IQGAP3: variants seen among roughly 807,000 people sequenced by gnomAD.
IQGAP3 encodes ras GTPase-activating-like protein IQGAP3.
A neutral mutation model predicts 208.2 loss-of-function variants in IQGAP3; 165 were observed. The observed-to-expected ratio is 0.79, with a 90% CI of 0.70 to 0.90. The LOEUF is 0.90. IQGAP3 is among the 40% of genes least tolerant of loss of function. The pLI is 0.00. For missense variants in IQGAP3, 1,811 were observed against 2,043.1 expected (o/e 0.89, Z 2.19); for synonymous variants, 703 against 803.6 (o/e 0.87, Z 2.12).
At chr1:156,530,947 G>T (rs111301245) in intron 33 of IQGAP3, among the ~76,000 whole-genome samples, 1 of 152,144 alleles carries the variant, frequency 6.6e-6, no homozygotes, top group East Asian at 1.9e-4. Flanking sequence ...TGGGGAGAGG[G>T]GTGGGGCCCC....
chr1:156,550,982 T>G (rs926054090), intron 15 of IQGAP3, among the ~76,000 whole-genome samples: 7 of 152,294 alleles, frequency 4.6e-5, no homozygotes, highest in African/African-American at 1.7e-4. Flanking sequence ...TAATAGACTT[T>G]GTAAACTAAC....
intron 29 of IQGAP3, 29 bp from the exon 30 acceptor site, chr1:156,534,170 C>T (rs768011260): frequency 1.1e-5 from 17 of 1,610,562 alleles, no homozygotes; most frequent in South Asian, 4.4e-5. Flanking sequence ...TGTGAGAGAG[C>T]GGGGAGGGCC....
At chr1:156,541,586 G>A (rs969679935) in intron 22 of IQGAP3, among the ~76,000 whole-genome samples, 9 of 152,130 alleles carry the variant, frequency 5.9e-5, no homozygotes, top group East Asian at 1.9e-4. Context: ...AGTACTTTAC[G>A]TACTTAAGAC....
chr1:156,531,658 G>A (rs59359496), intron 32 of IQGAP3, among the ~76,000 whole-genome samples: 1 of 146,720 alleles, frequency 6.8e-6, no homozygotes, highest in Middle Eastern at 3.3e-3. Context: ...AGGCTGGAGT[G>A]CAATGGCATG....
chr1:156,549,360 A>C (rs1675428851), intron 16 of IQGAP3, among the ~76,000 whole-genome samples: 1 of 149,742 alleles, frequency 6.7e-6, no homozygotes, highest in Non-Finnish European at 1.5e-5. Flanking sequence ...AATCCCAACT[A>C]CTCGGGAGGC....
In IQGAP3 at chr1:156,563,328, G is replaced by A; in HGVS notation, c.620-16C>T. ...GCTGCATGGACTGGGAGAGGGCATG[G>A]AAACAAGGTCAGGAGGCCAGAGTGA... On this transcript the variant is annotated splice_polypyrimidine_tract_variant and intron_variant, in intron 7 of 37. Transcript: ENST00000361170. The A allele has an allele frequency of 6.3e-7, 1 of 1,575,508 alleles. No individual in the cohort carries two copies. The highest frequency in any genetic ancestry group is 8.7e-7 in the Non-Finnish European group (1 of 1,155,576).
At position 156,535,205 on chromosome 1, in the gene IQGAP3, C is replaced by G. The variant is rs1167398384; in HGVS notation, c.3465G>C (p.Leu1155=). ...CTGTGGCGTCAGGGAATTTCTCTGC[C>G]AGAGTTGCCTTCAGGACTTTGGCCA... ...RYVAKVLKAT[L]AEKFPDATDS... is the part of the protein sequence containing the mutation. Residue 1155 remains leucine (L), a synonymous_variant, in exon 28 of 38, where the codon CTG becomes CTC. Transcript: ENST00000361170. The G allele has an allele frequency of 6.2e-7, 1 of 1,613,652 alleles. No individual in the cohort carries two copies. Among genetic ancestry groups the G allele is most frequent in the South Asian group, 1.1e-5 (1 of 91,046 alleles).
At chr1:156,569,551 T>TC (rs1676551224) in intron 1 of IQGAP3, 88 bp from the exon 2 acceptor site, 1 of 682,062 alleles carries the variant, frequency 1.5e-6, no homozygotes, top group East Asian at 3.1e-5. Flanking sequence ...TTTTTTTTTT[T>TC]TGAGACGCCC....
chr1:156,556,613 C>G lies in IQGAP3; in HGVS notation c.1210G>C (p.Glu404Gln). The G allele has an allele frequency of 6.2e-7, 1 of 1,612,902 alleles. No individual in the cohort carries two copies. Among genetic ancestry groups the G allele is most frequent in the Non-Finnish European group, 8.5e-7 (1 of 1,179,270 alleles). Residue 404 changes from glutamate to glutamine, a missense_variant, in exon 12 of 38, where the codon GAG becomes CAG. Physicochemically the swap from Glu to Gln is conservative, Grantham distance 29. Coordinates refer to ENST00000361170, the MANE Select transcript of IQGAP3 (RefSeq NM_178229.5). ...GGGTACACTGGAGGCAGCTGGGCCT[C>G]AGGGCACATCAGCTCCTTCACAGTG... Reference protein sequence around the residue: ...ADTVKELMCPEAQLPPVYPVA... With the variant: ...ADTVKELMCPQAQLPPVYPVA...
intron 37 of IQGAP3, among the ~76,000 whole-genome samples, chr1:156,527,551 T>C (rs972433370): frequency 2.6e-5 from 4 of 152,190 alleles, no homozygotes; most frequent in African/African-American, 9.6e-5. Context: ...GCTTCACTCC[T>C]TTCCTGAACA....
At chr1:156,560,898 C>G (rs745935912) in intron 11 of IQGAP3, 36 bp downstream of exon 11, 1 of 1,406,232 alleles carries the variant, frequency 7.1e-7, no homozygotes, top group Non-Finnish European at 1.0e-6. Flanking sequence ...GTCAGAGATA[C>G]GCACAGAGCA....
At chr1:156,562,775 C>G in intron 8 of IQGAP3, 110 bp from the exon 9 acceptor site, 1 of 971,244 alleles carries the variant, frequency 1.0e-6, no homozygotes, top group Non-Finnish European at 1.7e-6. Context: ...TTCCCAAGGC[C>G]AAAGTTCAGT....
At chr1:156,560,891 A>C in intron 11 of IQGAP3, 43 bp downstream of exon 11, 4 of 1,326,904 alleles carry the variant, frequency 3.0e-6, no homozygotes, top group Non-Finnish European at 4.3e-6. Flanking sequence ...TCTAAGAGTC[A>C]GAGATACGCA....
rs756439875 is a variant in IQGAP3 at position 156,563,231 on chromosome 1, C to A, written c.701G>T (p.Ser234Ile). The A allele has an allele frequency of 9.3e-6, 15 of 1,613,244 alleles. No homozygotes were observed. In the South Asian group the frequency reaches 1.5e-4, roughly 17 times the overall value. The change falls in exon 8 of 38, where the codon AGT (serine) becomes ATT (isoleucine). Residue 234 changes from serine to isoleucine, a missense_variant. Coordinates refer to ENST00000361170, the MANE Select transcript of IQGAP3 (RefSeq NM_178229.5). ...CTCTCGGAGATTCTCCAGAAGAGCA[C>A]TGGGATTCTGCAAGGCAGCCAGGGT... ...EDTLAALQNP[S>I]ALLENLREPL... is the part of the protein sequence containing the mutation.
chr1:156,560,710 T>A (rs973798903), intron 11 of IQGAP3, among the ~76,000 whole-genome samples: 1 of 152,156 alleles, frequency 6.6e-6, no homozygotes, highest in Non-Finnish European at 1.5e-5. Context: ...AACAGCCCAG[T>A]GCAGTATTGG....
chr1:156,534,618 G>T lies in IQGAP3; in HGVS notation c.3623C>A (p.Ala1208Asp). Residue 1208 changes from alanine to aspartate, a missense_variant, in exon 29 of 38, where the codon GCC becomes GAC. By Grantham distance (126) the Ala-to-Asp change is moderately radical (BLOSUM62 -2). Coordinates refer to ENST00000361170, the MANE Select transcript of IQGAP3 (RefSeq NM_178229.5). Reference sequence around the variant, plus strand: ...TAGGAGCTGAGCCACAGCCCCCAGGGCATGGCGCTGGGGGGCAGCCAGGGC... The same window carrying T: ...TAGGAGCTGAGCCACAGCCCCCAGGTCATGGCGCTGGGGGGCAGCCAGGGC... ...GGALAAPQRH[A>D]LGAVAQLLQH... 6.2e-7 allele frequency: 1 copy of T among 1,612,340 alleles called. No individual in the cohort carries two copies. The highest frequency in any genetic ancestry group is 1.9e-4 in the Middle Eastern group (1 of 5,134).
intron 22 of IQGAP3, among the ~76,000 whole-genome samples, chr1:156,542,249 G>T (rs1557927765): frequency 6.6e-6 from 1 of 152,144 alleles, no homozygotes; most frequent in Non-Finnish European, 1.5e-5. Flanking sequence ...GAATTCAGTG[G>T]CATGATCTCA....
At chr1:156,543,727 G>A (rs922198564) in intron 22 of IQGAP3, among the ~76,000 whole-genome samples, 2 of 152,178 alleles carry the variant, frequency 1.3e-5, no homozygotes, top group African/African-American at 4.8e-5. Flanking sequence ...TGCTTTGGTG[G>A]TAGCAATAGG....
rs1318141733 is a variant in IQGAP3 at position 156,566,497 on chromosome 1, C to T, written c.175G>A (p.Glu59Lys). The change falls in exon 3 of 38, where the codon GAG (glutamate) becomes AAG (lysine). Residue 59 changes from glutamate to lysine, a missense_variant. Physicochemically the swap from Glu to Lys is moderately conservative, Grantham distance 56. Coordinates refer to ENST00000361170, the MANE Select transcript of IQGAP3 (RefSeq NM_178229.5). Reference protein sequence around the residue: ...KEELPSPVELEESLRNGVLLA... With the variant: ...KEELPSPVELKESLRNGVLLA... ...AGCACTCCATTCCGAAGGCTCTCCT[C>T]CAGCTCCACCGGGGAAGGAAGCTCC... 1.2e-6 allele frequency: 2 copies of T among 1,614,168 alleles called. No individual in the cohort carries two copies. The highest frequency in any genetic ancestry group is 3.3e-5 in the Admixed American group (2 of 60,014).
Sources: allele counts gnomAD v4.1 joint callset (sites outside exome capture counted in the v4.1 genomes callset), GRCh38; gene constraint gnomAD v4.1.1; transcripts MANE v1.5; gene names NCBI Gene and HGNC (gene_info 2026-07-23, HGNC 2026-07-21).